Variants in ESRRG observed in about 807,000 individuals in gnomAD.
The protein encoded by ESRRG is estrogen-related receptor gamma.
ESRRG carries 13 observed loss-of-function variants against 44.0 expected under a neutral mutation model. That is an observed-to-expected ratio of 0.30 (90% CI 0.19 to 0.47). The LOEUF is 0.47. Ranked by LOEUF, ESRRG falls within the 20% of genes least tolerant of loss-of-function variation. ESRRG has a pLI of 1.00. For synonymous variants in ESRRG, 215 were observed against 214.6 expected (o/e 1.00, Z -0.02); for missense variants, 395 against 580.6 (o/e 0.68, Z 3.29).
intron 2 of ESRRG, among the ~76,000 whole-genome samples, chr1:216,668,971 C>T (rs2074571700): frequency 6.6e-6 from 1 of 152,064 alleles, no homozygotes. Flanking sequence ...TCAATGTTGC[C>T]TGCAAGGAAG....
At position 216,957,077 on chromosome 1, in the gene ESRRG, T is replaced by G. The variant is rs75757859; in HGVS notation, c.-105-17404A>C. 6.8e-3 allele frequency among the ~76,000 whole-genome samples: 1,035 copies of G among 152,340 alleles called. 9 individuals carry two copies. The highest frequency in any genetic ancestry group is 0.024 in the African/African-American group (984 of 41,584). On this transcript the variant is annotated intron_variant, in intron 1 of 7. Transcript: ENST00000359162. The stretch of plus-strand genomic sequence containing the variant: ...CAAAGAATTTAAATGTGAAAAGGAC[T>G]TGGTTAGATTCTTATACTTCTTTGC...
At chr1:217,029,831 C>A (rs1244862802) in intron 1 of ESRRG, among the ~76,000 whole-genome samples, 6 of 152,146 alleles carry the variant, frequency 3.9e-5, no homozygotes, top group African/African-American at 1.4e-4. Context: ...AAAATAAAAA[C>A]GCAGCTGACC....
intron 1 of ESRRG, among the ~76,000 whole-genome samples, chr1:217,071,521 C>T (rs1303367948): frequency 1.3e-5 from 2 of 152,068 alleles, no homozygotes; most frequent in African/African-American, 4.8e-5. Flanking sequence ...TAGCCTAATG[C>T]CTGGTTACAT....
chr1:217,111,831 T>C (rs2092664494), intron 1 of ESRRG, among the ~76,000 whole-genome samples: 1 of 152,178 alleles, frequency 6.6e-6, no homozygotes, highest in African/African-American at 2.4e-5. Context: ...TTGAGAAGAC[T>C]ACAGACTCAC....
intron 1 of ESRRG, among the ~76,000 whole-genome samples, chr1:217,033,363 T>TTCATTC (rs2082357859): frequency 6.6e-6 from 1 of 152,086 alleles, no homozygotes; most frequent in African/African-American, 2.4e-5. Context: ...GTTCATACAG[T>TTCATTC]AGAGATGGCC....
chr1:217,062,645 G>A (rs771577772), intron 1 of ESRRG, among the ~76,000 whole-genome samples: 46 of 152,212 alleles, frequency 3.0e-4, no homozygotes, highest in Non-Finnish European at 6.2e-4. Context: ...AAAGAGGAGT[G>A]TCAGAGCTTG....
chr1:217,118,289 C>T lies in ESRRG; in HGVS notation c.-230+19378G>A, dbSNP rs561711025. 2.6e-5 allele frequency among the ~76,000 whole-genome samples: 4 copies of T among 152,326 alleles called. No homozygotes were observed. In the East Asian group the frequency reaches 7.7e-4, roughly 29 times the overall value. ...AACCACTCTACTAAACATCTTAATG[C>T]AAACACTAGCAGATCCAAGACCTAC... On this transcript the variant is annotated intron_variant, in intron 1 of 8. Transcript: ENST00000366940.
chr1:216,986,599 T>TG (rs200437965), intron 1 of ESRRG, among the ~76,000 whole-genome samples: 3,259 of 151,938 alleles, frequency 0.021, 53 homozygotes, highest in Middle Eastern at 0.044. Context: ...TGGCGGGGCA[T>TG]GGCTGTGGTC....
At chr1:217,009,198 C>T (rs182311434) in intron 1 of ESRRG, among the ~76,000 whole-genome samples, 1 of 152,108 alleles carries the variant, frequency 6.6e-6, no homozygotes, top group African/African-American at 2.4e-5. Context: ...ACCCCCTTAC[C>T]GCTCTCACAG....
At chr1:216,877,013 T>TGTGA (rs766110487) in intron 2 of ESRRG, among the ~76,000 whole-genome samples, 5 of 147,972 alleles carry the variant, frequency 3.4e-5, no homozygotes, top group Admixed American at 1.4e-4. Context: ...TGTGTGTGTG[T>TGTGA]GATCTATGAA....
rs147388990 is a variant in ESRRG, at chr1:217,017,700, G to A, written c.-106+71807C>T. Among the ~76,000 whole-genome samples, 1,184 of 151,912 alleles carry A rather than the reference G, an allele frequency of 7.8e-3. 14 individuals are homozygous for A. Among genetic ancestry groups the A allele is most frequent in the African/African-American group, 0.027 (1,123 of 41,428 alleles). On this transcript the variant is annotated intron_variant, in intron 1 of 7. Coordinates refer to the ESRRG transcript ENST00000359162. ...ATAGTGAGTTAAGAATAATATCTAC[G>A]CCATAGGATTTCTGGAAAAAAAATT...
intron 2 of ESRRG, among the ~76,000 whole-genome samples, chr1:216,851,237 C>T (rs945886214): frequency 6.6e-6 from 1 of 151,940 alleles, no homozygotes; most frequent in African/African-American, 2.4e-5. Flanking sequence ...TCAGAGTGCC[C>T]ACTCATTACT....
intron 1 of ESRRG, among the ~76,000 whole-genome samples, chr1:217,003,778 C>G (rs766055950): frequency 2.0e-5 from 3 of 151,572 alleles, no homozygotes; most frequent in Non-Finnish European, 4.4e-5. Context: ...ACTTCTAAGA[C>G]TAGGTCAGAT....
chr1:217,092,849 C>T (rs1352091515), upstream of ESRRG, among the ~76,000 whole-genome samples: 7 of 152,116 alleles, frequency 4.6e-5, no homozygotes, highest in Non-Finnish European at 1.0e-4. Flanking sequence ...TTCAATTTGA[C>T]AGAAATTAAA....
chr1:216,858,073 T>C (rs181919790), intron 2 of ESRRG, among the ~76,000 whole-genome samples: 7 of 152,122 alleles, frequency 4.6e-5, no homozygotes, highest in Non-Finnish European at 8.8e-5. Context: ...TCAAGCACAA[T>C]TGTAAAGATG....
At chr1:216,854,315 CCA>C (rs2095886026) in intron 2 of ESRRG, among the ~76,000 whole-genome samples, 2 of 136,220 alleles carry the variant, frequency 1.5e-5, no homozygotes, top group Middle Eastern at 4.5e-3. Flanking sequence ...CGAGATCGCA[CCA>C]CTGCACTCCA....
chr1:217,098,595 G>A (rs2092459679), intron 1 of ESRRG, among the ~76,000 whole-genome samples: 1 of 152,152 alleles, frequency 6.6e-6, no homozygotes, highest in Admixed American at 6.5e-5. Flanking sequence ...CAGAGAAACG[G>A]TCTAGCTGCT....
intron 2 of ESRRG, among the ~76,000 whole-genome samples, chr1:216,734,368 G>A (rs1017984713): frequency 6.6e-6 from 1 of 152,114 alleles, no homozygotes; most frequent in African/African-American, 2.4e-5. Flanking sequence ...CTAGTGGGAG[G>A]TGTTCGGGTC....
intron 1 of ESRRG, among the ~76,000 whole-genome samples, chr1:216,961,376 T>TA (rs1553738614): frequency 6.6e-6 from 1 of 151,958 alleles, no homozygotes; most frequent in South Asian, 2.1e-4. Flanking sequence ...TTACCAACCA[T>TA]AAAAAAATGA....
Sources: gnomAD v4.1 joint callset for allele counts (sites outside exome capture counted in the v4.1 genomes callset) on GRCh38, gnomAD v4.1.1 for gene constraint, MANE v1.5 for transcripts, NCBI Gene and HGNC (gene_info 2026-07-23, HGNC 2026-07-21) for gene names.